KLRG2: variants seen among roughly 807,000 people sequenced by gnomAD.
KLRG2 encodes killer cell lectin-like receptor subfamily G member 2.
KLRG2 carries 39 observed loss-of-function variants against 35.4 expected under a neutral mutation model. The observed-to-expected ratio is 1.10, with a 90% CI of 0.85 to 1.44. The LOEUF is 1.44. Ranked by LOEUF, KLRG2 falls within the 40% of genes most tolerant of loss-of-function variation. The pLI is 0.00. For synonymous variants in KLRG2, 283 were observed against 265.8 expected (o/e 1.06, Z -0.63); for missense variants, 632 against 570.9 (o/e 1.11, Z -1.09).
downstream of KLRG2, among the ~76,000 whole-genome samples, chr7:139,451,448 C>T (rs902215907): frequency 3.6e-4 from 55 of 152,086 alleles, 5 homozygotes; most frequent in Admixed American, 2.5e-3. Flanking sequence ...TGCGGTGAGC[C>T]GAGACAGTGA....
At chr7:139,449,854 C>T (rs1266191651), downstream of KLRG2, among the ~76,000 whole-genome samples, 2 of 151,248 alleles carry the variant, frequency 1.3e-5, no homozygotes, top group Admixed American at 6.6e-5. Context: ...CGCCCACCAC[C>T]ACGCTTGGCT....
intron 3 of KLRG2, 33 bp from the exon 4 acceptor site, chr7:139,454,247 G>A (rs1569409271): frequency 2.8e-6 from 3 of 1,079,754 alleles, no homozygotes; most frequent in East Asian, 5.2e-5. Context: ...TCACTCCCCT[G>A]GACACTGGCG....
chr7:139,451,192 G>A (rs1796370861), downstream of KLRG2, among the ~76,000 whole-genome samples: 1 of 152,178 alleles, frequency 6.6e-6, no homozygotes, highest in African/African-American at 2.4e-5. Flanking sequence ...TTGTTGCTAA[G>A]TTTGGGGACA....
intron 3 of KLRG2, among the ~76,000 whole-genome samples, chr7:139,475,012 G>T (rs532874010): frequency 7.9e-5 from 12 of 152,210 alleles, no homozygotes; most frequent in Non-Finnish European, 1.6e-4. Context: ...AGGAAGGAAT[G>T]CTGCAGAGAC....
chr7:139,460,526 A>G (rs2116439418), intron 3 of KLRG2, among the ~76,000 whole-genome samples: 1 of 152,158 alleles, frequency 6.6e-6, no homozygotes, highest in East Asian at 1.9e-4. Context: ...AAAAGTCAAA[A>G]AAATTAGCCA....
chr7:139,438,212 G>A, the KLRG2 span, among the ~76,000 whole-genome samples: 5 of 152,182 alleles, frequency 3.3e-5, no homozygotes, highest in Admixed American at 2.6e-4. Context: ...CCAAACAAAC[G>A]TGTATTGTTC....
Position 139,466,700 on chromosome 7 carries a change from T to A in KLRG2, c.1006-12486A>T, listed in dbSNP as rs565612578. Among the ~76,000 whole-genome samples the A allele has an allele frequency of 3.0e-4, 44 of 149,064 alleles. 1 individual carries two copies. The East Asian group carries it at 8.7e-3, about 29-fold the overall frequency. ...TTGCTAGCTTTGCATTTCTCTTTCCTCCAAAATCGCCGAGGCCTCGACTTA... is the reference window on the plus strand; with the variant it reads ...TTGCTAGCTTTGCATTTCTCTTTCCACCAAAATCGCCGAGGCCTCGACTTA... On this transcript the variant is annotated intron_variant, in intron 3 of 4. Coordinates refer to ENST00000340940, the MANE Select transcript of KLRG2 (RefSeq NM_198508.4).
chr7:139,482,362 G>C (rs1286469739), intron 1 of KLRG2, among the ~76,000 whole-genome samples: 1 of 152,094 alleles, frequency 6.6e-6, no homozygotes, highest in Non-Finnish European at 1.5e-5. Flanking sequence ...GTTCGGGAGT[G>C]CGGGTAGGGG....
the KLRG2 span, among the ~76,000 whole-genome samples, chr7:139,445,179 G>A: frequency 6.6e-6 from 1 of 151,430 alleles, no homozygotes; most frequent in Middle Eastern, 3.2e-3. Context: ...CTCCCATGTT[G>A]AAGTAATTCT....
the KLRG2 span, among the ~76,000 whole-genome samples, chr7:139,435,701 G>T: frequency 6.6e-6 from 1 of 152,142 alleles, no homozygotes. Context: ...TTGGCATACA[G>T]ACTTTCATGC....
the KLRG2 span, among the ~76,000 whole-genome samples, chr7:139,445,809 G>GTATATATATATAT: frequency 4.5e-5 from 4 of 89,608 alleles, no homozygotes; most frequent in African/African-American, 4.4e-4. Flanking sequence ...ATATATATAT[G>GTATATATATATAT]ACGGAGTTTT....
intron 3 of KLRG2, among the ~76,000 whole-genome samples, chr7:139,467,101 C>T (rs1226390034): frequency 6.6e-6 from 1 of 152,140 alleles, no homozygotes; most frequent in Non-Finnish European, 1.5e-5. Context: ...AATATCGCCC[C>T]TTACCACAAA....
chr7:139,436,695 T>A, the KLRG2 span, among the ~76,000 whole-genome samples: 2 of 152,158 alleles, frequency 1.3e-5, no homozygotes, highest in Non-Finnish European at 2.9e-5. Flanking sequence ...CCCTCCTGAG[T>A]CTTCTAATCA....
intron 1 of KLRG2, among the ~76,000 whole-genome samples, chr7:139,482,032 T>C (rs773172027): frequency 3.3e-5 from 5 of 152,148 alleles, no homozygotes; most frequent in Admixed American, 3.3e-4. Context: ...ACAGTCTGTA[T>C]CTTTTGTGGG....
chr7:139,463,141 G>C (rs1197623675), intron 3 of KLRG2, among the ~76,000 whole-genome samples: 1 of 152,172 alleles, frequency 6.6e-6, no homozygotes, highest in Non-Finnish European at 1.5e-5. Context: ...TCCCAAATCA[G>C]TTAGCGTTTA....
chr7:139,479,887 G>T (rs1796925127), intron 2 of KLRG2, 115 bp from the exon 3 acceptor site: 3 of 1,214,638 alleles, frequency 2.5e-6, no homozygotes, highest in South Asian at 1.5e-5. Flanking sequence ...GGTGGGCAGG[G>T]CCCCAGGGAG....
chr7:139,433,090 A>G, the KLRG2 span, among the ~76,000 whole-genome samples: 1 of 152,180 alleles, frequency 6.6e-6, no homozygotes, highest in African/African-American at 2.4e-5. Flanking sequence ...ATTTGTTTTC[A>G]TAGTTCTAAA....
At chr7:139,480,015 A>T in intron 2 of KLRG2, 131 bp downstream of exon 2, 1 of 758,840 alleles carries the variant, frequency 1.3e-6, no homozygotes, top group South Asian at 1.7e-5. Context: ...AACTTTGCTC[A>T]TCAAGCACCA....
the KLRG2 span, among the ~76,000 whole-genome samples, chr7:139,444,820 GCAGA>G: frequency 2.0e-5 from 3 of 152,168 alleles, no homozygotes; most frequent in Non-Finnish European, 4.4e-5. Context: ...ACCCTACAGA[GCAGA>G]CAGATTAAAT....
Sources: gnomAD v4.1 joint callset for allele counts (sites outside exome capture counted in the v4.1 genomes callset) on GRCh38, gnomAD v4.1.1 for gene constraint, MANE v1.5 for transcripts, NCBI Gene and HGNC (gene_info 2026-07-23, HGNC 2026-07-21) for gene names.